Variants in ARMC8 observed in about 807,000 individuals in gnomAD.
ARMC8 encodes armadillo repeat containing 8, also known as armadillo repeat-containing protein 8.
ARMC8 carries 20 observed loss-of-function variants against 99.3 expected under a neutral mutation model. The observed-to-expected ratio is 0.20, with a 90% confidence interval of 0.14 to 0.29. The LOEUF (loss-of-function observed/expected upper bound fraction) is 0.29. Among genes scored for constraint, ARMC8 ranks in the 10% least tolerant of loss-of-function variants. The pLI is 1.00. For missense variants in ARMC8, 569 were observed against 809.5 expected (o/e 0.70, Z 3.60); for synonymous variants, 263 against 278.3 (o/e 0.95, Z 0.55).
chr3:138,290,116 A>G (rs1183424901), intron 20 of ARMC8, among the ~76,000 whole-genome samples: 1 of 152,204 alleles, frequency 6.6e-6, no homozygotes, highest in Non-Finnish European at 1.5e-5. Flanking sequence ...TGCTGGGAGG[A>G]CAGAGGAGGG....
chr3:138,190,262 A>T (rs1256602294), intron 1 of ARMC8, among the ~76,000 whole-genome samples: 1 of 148,138 alleles, frequency 6.8e-6, no homozygotes, highest in Non-Finnish European at 1.5e-5. Flanking sequence ...TTCAGAGTTG[A>T]GATTCTTTAT....
chr3:138,248,907 T>C lies in ARMC8; in HGVS notation c.1134+3724T>C, dbSNP rs150056364. ...GTACGTATTGTAACCTTCATTCCCC[T>C]GGGGCACCTGACTAATGGAGCCTTG... On this transcript the variant is annotated intron_variant, in intron 12 of 21. Coordinates refer to ENST00000469044, the MANE Select transcript of ARMC8 (RefSeq NM_001363941.2). 3.4e-4 allele frequency among the ~76,000 whole-genome samples: 52 copies of C among 152,336 alleles called. 1 individual carries two copies. The highest frequency in any genetic ancestry group is 1.0e-3 in the African/African-American group (43 of 41,570).
intron 12 of ARMC8, among the ~76,000 whole-genome samples, chr3:138,248,313 AAG>A (rs2046971762): frequency 6.6e-6 from 1 of 152,200 alleles, no homozygotes. Context: ...TAGAGAGAGT[AAG>A]AGCATAGGCA....
intron 18 of ARMC8, among the ~76,000 whole-genome samples, chr3:138,276,111 C>T (rs1426610153): frequency 6.6e-6 from 1 of 152,102 alleles, no homozygotes; most frequent in African/African-American, 2.4e-5. Context: ...AAATGAAAGA[C>T]CAACAACAGT....
intron 12 of ARMC8, chr3:138,262,352 TA>T: frequency 1.5e-6 from 1 of 675,786 alleles, no homozygotes; most frequent in South Asian, 2.2e-5. Context: ...TTTTGGAAAC[TA>T]AAACACCAGA....
intron 1 of ARMC8, among the ~76,000 whole-genome samples, chr3:138,193,210 C>T (rs922175998): frequency 2.6e-5 from 4 of 151,992 alleles, no homozygotes; most frequent in African/African-American, 4.8e-5. Flanking sequence ...CTCAGGCAGT[C>T]TGCCCATCTT....
chr3:138,288,774 A>G (rs1012090230), intron 19 of ARMC8, among the ~76,000 whole-genome samples: 1 of 151,350 alleles, frequency 6.6e-6, no homozygotes, highest in African/African-American at 2.4e-5. Flanking sequence ...AGTAGCTGAG[A>G]TTACAGGCGC....
intron 11 of ARMC8, among the ~76,000 whole-genome samples, chr3:138,244,666 G>A (rs565532733): frequency 9.2e-5 from 14 of 152,306 alleles, no homozygotes; most frequent in Admixed American, 3.3e-4. Context: ...ACATTGTTGC[G>A]ATTTCATTCA....
intron 12 of ARMC8, chr3:138,262,643 T>A: frequency 6.7e-7 from 1 of 1,492,904 alleles, no homozygotes; most frequent in Non-Finnish European, 8.9e-7. Context: ...CCCTGGAGAA[T>A]CTAATTTAAT....
intron 20 of ARMC8, 116 bp from the exon 21 acceptor site, chr3:138,290,430 G>T: frequency 1.4e-6 from 1 of 726,416 alleles, no homozygotes; most frequent in Non-Finnish European, 2.3e-6. Flanking sequence ...AGAGGACAAG[G>T]GGTACAGGAG....
intron 19 of ARMC8, among the ~76,000 whole-genome samples, 166 bp downstream of exon 19, chr3:138,284,692 A>C (rs1577015221): frequency 6.6e-6 from 1 of 152,152 alleles, no homozygotes; most frequent in African/African-American, 2.4e-5. Context: ...AGAAAAAAAC[A>C]CCAACTCCTT....
chr3:138,226,446 C>T (rs2045701947), intron 5 of ARMC8, among the ~76,000 whole-genome samples: 1 of 152,150 alleles, frequency 6.6e-6, no homozygotes, highest in African/African-American at 2.4e-5. Flanking sequence ...TGCTAGACCC[C>T]ACCTCCAGTT....
At position 138,295,936 on chromosome 3, in the gene ARMC8, T is replaced by A. The variant is rs760850010; in HGVS notation, c.*44T>A. The A allele has an allele frequency of 3.1e-6, 5 of 1,602,138 alleles. No homozygotes were observed. In the South Asian group the frequency reaches 4.4e-5, roughly 14 times the overall value. On this transcript the variant is annotated 3_prime_UTR_variant, in exon 22 of 22. Coordinates refer to ENST00000469044, the MANE Select transcript of ARMC8 (RefSeq NM_001363941.2). ...CCTGCGAGCATCCCACCTCCTTGTT[T>A]AAGGAAGTACAGGAACCAGCCTCAT...
intron 2 of ARMC8, among the ~76,000 whole-genome samples, chr3:138,221,384 A>G (rs982294078): frequency 6.6e-6 from 1 of 152,224 alleles, no homozygotes. Flanking sequence ...GCAATGGGCT[A>G]ATATCACTTG....
intron 1 of ARMC8, among the ~76,000 whole-genome samples, chr3:138,202,914 G>T (rs1168161666): frequency 1.3e-5 from 2 of 151,998 alleles, no homozygotes; most frequent in African/African-American, 4.8e-5. Flanking sequence ...CCCATTTTTT[G>T]AGTTAAATCC....
At chr3:138,264,472 T>A (rs916735285) in intron 14 of ARMC8, among the ~76,000 whole-genome samples, 4 of 128,834 alleles carry the variant, frequency 3.1e-5, no homozygotes, top group Non-Finnish European at 6.2e-5. Context: ...CAGGCTGGAG[T>A]GCAGTGGCAT....
intron 7 of ARMC8, among the ~76,000 whole-genome samples, chr3:138,236,394 C>T (rs192120214): frequency 2.2e-4 from 33 of 152,286 alleles, no homozygotes; most frequent in African/African-American, 7.9e-4. Context: ...TTCATTAATT[C>T]CCCCAGCTCT....
intron 19 of ARMC8, 69 bp from the exon 20 acceptor site, chr3:138,288,979 C>A (rs955466893): frequency 3.1e-6 from 4 of 1,300,382 alleles, no homozygotes; most frequent in South Asian, 1.3e-5. Context: ...TATGGTAGGT[C>A]CCCCCAAAAA....
At chr3:138,270,180 T>C (rs2048657845) in intron 16 of ARMC8, 48 bp downstream of exon 16, 2 of 1,341,404 alleles carry the variant, frequency 1.5e-6, no homozygotes, top group African/African-American at 1.4e-5. Context: ...GGAATACAGC[T>C]ATTGTCTAAG....
Sources: gnomAD v4.1 joint callset for allele counts (sites outside exome capture counted in the v4.1 genomes callset) on GRCh38, gnomAD v4.1.1 for gene constraint, MANE v1.5 for transcripts, NCBI Gene and HGNC (gene_info 2026-07-23, HGNC 2026-07-21) for gene names.